GNAS-AS1: variants seen among roughly 807,000 people sequenced by gnomAD.
GNAS-AS1 encodes the protein GNAS antisense RNA 1, also known as GNAS antisense RNA 1 (non-protein coding).
chr20:58,845,934 CTG>C (rs2085925019), intron 2 of GNAS-AS1, among the ~76,000 whole-genome samples: 1 of 152,192 alleles, frequency 6.6e-6, no homozygotes, highest in Non-Finnish European at 1.5e-5. Flanking sequence ...TGGGCATAGC[CTG>C]TGTGTTTATT....
chr20:58,837,568 G>A (rs112813540), intron 4 of GNAS-AS1, among the ~76,000 whole-genome samples: 9 of 152,282 alleles, frequency 5.9e-5, no homozygotes, highest in East Asian at 1.9e-4. Flanking sequence ...TCAGCCACCC[G>A]AGTAGCTGGA....
chr20:58,830,301 T>TCAC (rs1330796824), intron 4 of GNAS-AS1, among the ~76,000 whole-genome samples: 1 of 19,574 alleles, frequency 5.1e-5, no homozygotes, highest in African/African-American at 2.2e-4. Flanking sequence ...ACCACCACCA[T>TCAC]CACCACCACC....
At chr20:58,830,620 C>CCAT in intron 4 of GNAS-AS1, among the ~76,000 whole-genome samples, 1 of 138,756 alleles carries the variant, frequency 7.2e-6, no homozygotes, top group Non-Finnish European at 1.6e-5. Flanking sequence ...CACCACACCA[C>CCAT]CATCACCACC....
intron 4 of GNAS-AS1, among the ~76,000 whole-genome samples, chr20:58,828,213 T>C (rs1359245937): frequency 1.3e-5 from 2 of 152,230 alleles, no homozygotes; most frequent in African/African-American, 4.8e-5. Flanking sequence ...ACTAAAGACA[T>C]GGTATAGTCT....
chr20:58,842,237 G>A (rs1377821674), intron 3 of GNAS-AS1: 2 of 398,408 alleles, frequency 5.0e-6, no homozygotes, highest in Non-Finnish European at 8.8e-6. Context: ...AGACTGATAA[G>A]TGAAATGTCT....
chr20:58,830,478 T>TCACCACCATCAC (rs2085555702), intron 4 of GNAS-AS1, among the ~76,000 whole-genome samples: 39 of 5,280 alleles, frequency 7.4e-3, no homozygotes, highest in Non-Finnish European at 0.012. Flanking sequence ...ACCACCATCA[T>TCACCACCATCAC]CACCATCACC....
chr20:58,844,446 TA>T (rs2085863767), intron 2 of GNAS-AS1, among the ~76,000 whole-genome samples: 1 of 152,178 alleles, frequency 6.6e-6, no homozygotes. Flanking sequence ...CTATTTCCTA[TA>T]ACTTGATGTC....
chr20:58,833,005 T>C (rs2085577425), intron 4 of GNAS-AS1, among the ~76,000 whole-genome samples: 1 of 152,188 alleles, frequency 6.6e-6, no homozygotes, highest in Non-Finnish European at 1.5e-5. Flanking sequence ...TCCCAGAGGC[T>C]CTTTTGCCAG....
At chr20:58,822,312 AAGG>A (rs1172703551) in intron 4 of GNAS-AS1, among the ~76,000 whole-genome samples, 4 of 152,200 alleles carry the variant, frequency 2.6e-5, no homozygotes, top group Non-Finnish European at 5.9e-5. Context: ...GCAAATGCCT[AAGG>A]AGGCCAGGCC....
At chr20:58,825,077 C>T (rs1175611987) in intron 4 of GNAS-AS1, among the ~76,000 whole-genome samples, 1 of 152,212 alleles carries the variant, frequency 6.6e-6, no homozygotes, top group Non-Finnish European at 1.5e-5. Context: ...GAAGTGGGAG[C>T]AAATGTCATG....
chr20:58,820,190 G>A (rs757354116), intron 4 of GNAS-AS1, among the ~76,000 whole-genome samples: 18 of 152,242 alleles, frequency 1.2e-4, no homozygotes, highest in Non-Finnish European at 1.0e-4. Flanking sequence ...TTCTGTCGTG[G>A]AACTGGAGAT....
chr20:58,831,403 G>A (rs565152764), intron 4 of GNAS-AS1, among the ~76,000 whole-genome samples: 35 of 152,298 alleles, frequency 2.3e-4, no homozygotes, highest in Non-Finnish European at 4.1e-4. Context: ...ATCAGCGGGC[G>A]CAGTGGCTCA....
At chr20:58,822,398 C>T (rs1471845152) in intron 4 of GNAS-AS1, among the ~76,000 whole-genome samples, 3 of 152,248 alleles carry the variant, frequency 2.0e-5, no homozygotes, top group East Asian at 3.9e-4. Flanking sequence ...CGAAAGGGGG[C>T]GGCCGCACCC....
intron 4 of GNAS-AS1, among the ~76,000 whole-genome samples, chr20:58,822,489 CA>C (rs1433897669): frequency 6.6e-6 from 1 of 152,162 alleles, no homozygotes; most frequent in Non-Finnish European, 1.5e-5. Context: ...GTCAAATGGC[CA>C]AAGGCTTCTG....
intron 4 of GNAS-AS1, among the ~76,000 whole-genome samples, chr20:58,829,771 T>C (rs568650877): frequency 1.3e-3 from 193 of 152,284 alleles, no homozygotes; most frequent in African/African-American, 4.3e-3. Flanking sequence ...TTCTGCTGTA[T>C]ACTCAGGGGG....
intron 2 of GNAS-AS1, among the ~76,000 whole-genome samples, chr20:58,847,852 C>A (rs1451184849): frequency 6.6e-6 from 1 of 152,136 alleles, no homozygotes; most frequent in Non-Finnish European, 1.5e-5. Flanking sequence ...ATGCCTTATG[C>A]TTTTGGTAAT....
At chr20:58,848,426 T>C (rs2086023339) in intron 2 of GNAS-AS1, among the ~76,000 whole-genome samples, 1 of 152,166 alleles carries the variant, frequency 6.6e-6, no homozygotes, top group South Asian at 2.1e-4. Flanking sequence ...ATAAACACAT[T>C]AATAGACTTT....
chr20:58,844,319 T>C (rs2085858217), intron 2 of GNAS-AS1, among the ~76,000 whole-genome samples: 1 of 152,194 alleles, frequency 6.6e-6, no homozygotes, highest in Non-Finnish European at 1.5e-5. Context: ...CTGCTGCTCT[T>C]CTCTAAAAAA....
chr20:58,820,346 A>G (rs1247916481), intron 4 of GNAS-AS1, among the ~76,000 whole-genome samples: 1 of 152,232 alleles, frequency 6.6e-6, no homozygotes, highest in African/African-American at 2.4e-5. Flanking sequence ...AGCACCAGGT[A>G]GACGAAGGGA....
Sources: gnomAD v4.1 joint callset for allele counts (sites outside exome capture counted in the v4.1 genomes callset) on GRCh38, gnomAD v4.1.1 for gene constraint, MANE v1.5 for transcripts, NCBI Gene and HGNC (gene_info 2026-07-23, HGNC 2026-07-21) for gene names.